The following MALT1 variants were observed in gnomAD, a reference collection of about 807,000 sequenced individuals.
The protein encoded by MALT1 is mucosa-associated lymphoid tissue lymphoma translocation protein 1.
MALT1 carries 36 observed loss-of-function variants against 85.5 expected under a neutral mutation model. The ratio of observed to expected loss-of-function variants is 0.42; its 90% confidence interval spans 0.32 to 0.56. The LOEUF (loss-of-function observed/expected upper bound fraction) is 0.56. Among genes scored for constraint, MALT1 ranks in the 20% least tolerant of loss-of-function variants. The probability of loss-of-function intolerance (pLI) is 0.10; values close to 1 mark genes in which losing one functional copy is unlikely to be tolerated. For synonymous variants in MALT1, 359 were observed against 361.3 expected, an observed-to-expected ratio of 0.99 and a Z score of 0.07; for missense variants, 716 against 981.6, an observed-to-expected ratio of 0.73 and a Z score of 3.62.
chr18:58,691,888 C>A (rs9962901), intron 2 of MALT1, among the ~76,000 whole-genome samples: 17,179 of 134,494 alleles, frequency 0.13, 1,562 homozygotes, highest in African/African-American at 0.27. Flanking sequence ...AAAAAAACAA[C>A]AAAAAATTAG....
At chr18:58,702,238 A>T (rs1449494646) in intron 4 of MALT1, among the ~76,000 whole-genome samples, 1 of 148,122 alleles carries the variant, frequency 6.8e-6, no homozygotes, top group Non-Finnish European at 1.5e-5. Flanking sequence ...AAAAAAAAAA[A>T]TGGGGCCTGA....
intron 10 of MALT1, among the ~76,000 whole-genome samples, chr18:58,732,119 T>G (rs1316371505): frequency 2.0e-5 from 3 of 152,184 alleles, no homozygotes; most frequent in Non-Finnish European, 4.4e-5. Context: ...TTAGCTACTT[T>G]TGGTTCCCTG....
chr18:58,671,734 A>G lies in MALT1; in HGVS notation c.91A>G (p.Asn31Asp). The part of the protein sequence containing the change: ...LLAPPAGATL[N>D]RLREPLLRRL... ...CGCCCCTCCGGCCGGCGCGACCCTC[A>G]ACCGCCTGCGGGAGCCGCTGCTGCG... The change falls in exon 1 of 17, where the codon AAC becomes GAC. Residue 31 changes from asparagine to aspartate, a missense_variant. Asn to Asp is a conservative substitution (Grantham distance 23, BLOSUM62 1). This residue lies in a region of MALT1 where 80 missense variants were observed against 65.1 expected (regional missense o/e 1.23). Coordinates refer to ENST00000649217, the MANE Select transcript of MALT1 (RefSeq NM_006785.4). The G allele has an allele frequency of 7.8e-7, 1 of 1,279,360 alleles. No individual in the cohort carries two copies. Among genetic ancestry groups the G allele is most frequent in the South Asian group, 2.5e-5 (1 of 39,368 alleles). The allele number at this position is 1,279,360 out of a possible 1,614,324, so 79.3% of individuals were successfully genotyped here. A position where few individuals can be genotyped will look rare whatever the true frequency, so the allele number is the denominator to read the frequency against.
At chr18:58,728,359 A>T (rs561665366) in intron 10 of MALT1, among the ~76,000 whole-genome samples, 84 of 152,260 alleles carry the variant, frequency 5.5e-4, no homozygotes, top group African/African-American at 1.8e-3. Context: ...TAATCCTAAC[A>T]GTGGGAAGCT....
At chr18:58,731,737 G>A (rs536288894) in intron 10 of MALT1, among the ~76,000 whole-genome samples, 1 of 152,228 alleles carries the variant, frequency 6.6e-6, no homozygotes, top group South Asian at 2.1e-4. Flanking sequence ...ATTTAATTAT[G>A]TGATGACTTT....
intron 11 of MALT1, chr18:58,734,078 A>G (rs2055191602): frequency 3.0e-6 from 4 of 1,329,402 alleles, no homozygotes; most frequent in East Asian, 5.5e-5. Context: ...GCATTTACCA[A>G]TCAAAATCCA....
intron 1 of MALT1, among the ~76,000 whole-genome samples, chr18:58,679,468 C>T (rs924804520): frequency 2.0e-5 from 3 of 152,246 alleles, no homozygotes; most frequent in African/African-American, 7.2e-5. Context: ...ACTTTATTTA[C>T]AGAAATCAGG....
chr18:58,740,087 G>C (rs1273008152), intron 13 of MALT1, among the ~76,000 whole-genome samples: 1 of 152,146 alleles, frequency 6.6e-6, no homozygotes, highest in African/African-American at 2.4e-5. Flanking sequence ...ATTTTGATAA[G>C]TTATATTTTC....
intron 4 of MALT1, among the ~76,000 whole-genome samples, chr18:58,705,485 C>G (rs1321227974): frequency 3.3e-5 from 4 of 120,984 alleles, no homozygotes; most frequent in Non-Finnish European, 6.7e-5. Flanking sequence ...TCCCCCCACC[C>G]CACAACAGTC....
intron 14 of MALT1, among the ~76,000 whole-genome samples, chr18:58,743,504 T>TA (rs143615513): frequency 0.047 from 7,087 of 152,170 alleles, 201 homozygotes; most frequent in East Asian, 0.072. Context: ...GTCTTTTCTC[T>TA]AAAAAAGATC....
At chr18:58,678,558 C>T (rs766456671) in intron 1 of MALT1, among the ~76,000 whole-genome samples, 1 of 151,952 alleles carries the variant, frequency 6.6e-6, no homozygotes, top group Non-Finnish European at 1.5e-5. Flanking sequence ...TTTCTTCATG[C>T]TCATGAAGAA....
chr18:58,686,979 C>G (rs1262039739), intron 2 of MALT1, among the ~76,000 whole-genome samples: 1 of 152,090 alleles, frequency 6.6e-6, no homozygotes, highest in African/African-American at 2.4e-5. Context: ...GTCTGCTGAC[C>G]CTGACCTGAA....
intron 2 of MALT1, chr18:58,690,588 A>C (rs946320029): frequency 1.3e-5 from 2 of 158,122 alleles, no homozygotes; most frequent in African/African-American, 4.8e-5. Flanking sequence ...CTGCCCTGGG[A>C]CCCTGGGTAG....
At chr18:58,740,618 C>T (rs149396211) in intron 13 of MALT1, among the ~76,000 whole-genome samples, 151 of 151,570 alleles carry the variant, frequency 1.0e-3, no homozygotes, top group African/African-American at 2.5e-3. Flanking sequence ...GCTTTGTGAT[C>T]GAATAATAGT....
At chr18:58,690,144 G>T (rs535369536) in intron 2 of MALT1, among the ~76,000 whole-genome samples, 1 of 152,214 alleles carries the variant, frequency 6.6e-6, no homozygotes, top group Non-Finnish European at 1.5e-5. Flanking sequence ...CCAATAGCAT[G>T]TGCCTACTTC....
Position 58,749,333 on chromosome 18 carries a change from G to C in MALT1, c.*1491G>C. The C allele has an allele frequency of 4.6e-6, 1 of 217,028 alleles. No homozygotes were observed. The highest frequency in any genetic ancestry group is 9.3e-6 in the Non-Finnish European group (1 of 107,858). 13.4% of individuals were successfully genotyped at this position (217,028 alleles called of 1,614,324 possible). A position where few individuals can be genotyped will look rare whatever the true frequency, so the allele number is the denominator to read the frequency against. On this transcript the variant is annotated 3_prime_UTR_variant, in exon 17 of 17. Transcript: ENST00000649217. ...TACCTTATTTTACAGAAGTGAAAGT[G>C]AGGTATCAGAAGTGTTAAGTGACAT...
At chr18:58,689,963 G>A (rs1049736156) in intron 2 of MALT1, among the ~76,000 whole-genome samples, 3 of 152,234 alleles carry the variant, frequency 2.0e-5, no homozygotes, top group Admixed American at 1.3e-4. Flanking sequence ...CAAAGGAGCA[G>A]TTCGTGGAGG....
chr18:58,724,781 G>T (rs1296125978), intron 10 of MALT1, among the ~76,000 whole-genome samples: 1 of 152,010 alleles, frequency 6.6e-6, no homozygotes, highest in Non-Finnish European at 1.5e-5. Context: ...GGCCGAGGTG[G>T]GTGGATCACT....
At chr18:58,682,841 G>C (rs554586105) in intron 2 of MALT1, among the ~76,000 whole-genome samples, 5 of 152,182 alleles carry the variant, frequency 3.3e-5, no homozygotes, top group Non-Finnish European at 7.3e-5. Context: ...TGCTTTACAA[G>C]GCCCTCTGTA....
Sources: gnomAD v4.1 joint callset for allele counts (sites outside exome capture counted in the v4.1 genomes callset) on GRCh38, gnomAD v4.1.1 for gene constraint, gnomAD v4.1.1 regional missense constraint, MANE v1.5 for transcripts, NCBI Gene and HGNC (gene_info 2026-07-23, HGNC 2026-07-21) for gene names.